The following RWDD2A variants were observed in gnomAD, a reference collection of about 807,000 sequenced individuals.
RWDD2A encodes RWD domain containing 2A.
A neutral mutation model predicts 23.1 loss-of-function variants in RWDD2A; 15 were observed. That is an observed-to-expected ratio of 0.65 (90% CI 0.43 to 1.00). The LOEUF (loss-of-function observed/expected upper bound fraction) is 1.00. Among genes scored for constraint, RWDD2A ranks in the 50% least tolerant of loss-of-function variants. The probability of loss-of-function intolerance (pLI) is 0.00; values close to 1 mark genes in which losing one functional copy is unlikely to be tolerated. For synonymous variants in RWDD2A, 103 were observed against 123.0 expected, an observed-to-expected ratio of 0.84 and a Z score of 1.08; for missense variants, 310 against 341.7, an observed-to-expected ratio of 0.91 and a Z score of 0.73.
Position 83,193,462 on chromosome 6 carries a change from C to G in RWDD2A, c.-141+19C>G, listed in dbSNP as rs1054010969. On this transcript the variant is annotated intron_variant, in intron 1 of 2. Transcript: ENST00000369724. ...AGAAAGGGTGAGGCCCCCGCGGTGGCCCGGGGGTTGGGGCCGAGGGTCGCG... is the reference window on the plus strand; with the variant it reads ...AGAAAGGGTGAGGCCCCCGCGGTGGGCCGGGGGTTGGGGCCGAGGGTCGCG... 6.6e-6 allele frequency: 1 copy of G among 152,212 alleles called. No homozygotes were observed. The highest frequency in any genetic ancestry group is 1.5e-5 in the Non-Finnish European group (1 of 68,082). 9.4% of individuals were successfully genotyped at this position (152,212 alleles called of 1,614,324 possible). A position where few individuals can be genotyped will look rare whatever the true frequency, so the allele number is the denominator to read the frequency against.
chr6:83,194,175 G>A (rs1789441836), intron 1 of RWDD2A, 137 bp from the exon 2 acceptor site: 1 of 360,066 alleles, frequency 2.8e-6, no homozygotes, highest in Non-Finnish European at 5.1e-6. Flanking sequence ...ATCTAGTGCG[G>A]GGTGCGGGAG....
At chr6:83,195,247 C>T (rs1002800743) in intron 2 of RWDD2A, among the ~76,000 whole-genome samples, 11 of 152,210 alleles carry the variant, frequency 7.2e-5, no homozygotes, top group Admixed American at 6.5e-4. Flanking sequence ...TTACACACTT[C>T]AATGGAACCC....
chr6:83,196,292 T>C lies in RWDD2A; in HGVS notation c.*20T>C. 6.0e-6 allele frequency: 9 copies of C among 1,502,794 alleles called. No homozygotes were observed. The highest frequency in any genetic ancestry group is 8.0e-6 in the Non-Finnish European group (9 of 1,124,654). 93.1% of individuals were successfully genotyped at this position (1,502,794 alleles called of 1,614,324 possible). A position where few individuals can be genotyped will look rare whatever the true frequency, so the allele number is the denominator to read the frequency against. On this transcript the variant is annotated 3_prime_UTR_variant, in exon 3 of 3. Coordinates refer to ENST00000369724, the MANE Select transcript of RWDD2A (RefSeq NM_033411.5). Reference sequence around the variant, plus strand: ...TCATAAAAAGCGATTAAGAGGCCTATGCCTGTAATTTCACTAAGTCAGTAT... The same window carrying C: ...TCATAAAAAGCGATTAAGAGGCCTACGCCTGTAATTTCACTAAGTCAGTAT...
At position 83,197,522 on chromosome 6, in the gene RWDD2A, T is replaced by A. The variant is rs745786006; in HGVS notation, c.*1250T>A. On this transcript the variant is annotated 3_prime_UTR_variant, in exon 3 of 3. Transcript: ENST00000369724. ...TCCCCAAGTATTTCTGCGAGTCTCA[T>A]GTGCTAAGAGATGTCTTGAGCAGCC... The A allele has an allele frequency of 6.6e-6, 1 of 152,236 alleles. No individual in the cohort carries two copies. Among genetic ancestry groups the A allele is most frequent in the Non-Finnish European group, 1.5e-5 (1 of 68,044 alleles). 9.4% of individuals were successfully genotyped at this position (152,236 alleles called of 1,614,324 possible). A position where few individuals can be genotyped will look rare whatever the true frequency, so the allele number is the denominator to read the frequency against.
In RWDD2A at chr6:83,198,016, T is replaced by C. The variant is rs771204541; in HGVS notation, c.*1744T>C. The C allele has an allele frequency of 1.3e-5, 2 of 152,172 alleles. No individual in the cohort carries two copies. The highest frequency in any genetic ancestry group is 2.4e-5 in the African/African-American group (1 of 41,450). 9.4% of individuals were successfully genotyped at this position (152,172 alleles called of 1,614,324 possible). A position where few individuals can be genotyped will look rare whatever the true frequency, so the allele number is the denominator to read the frequency against. ...GCTGGAGCCTGACACTTTGCCTATA[T>C]GCAAAGGGAAGAAATAGGACTTACA... On this transcript the variant is annotated 3_prime_UTR_variant, in exon 3 of 3. Transcript: ENST00000369724.
In RWDD2A at chr6:83,196,511, G is replaced by A. The variant is rs1296145592; in HGVS notation, c.*239G>A. On this transcript the variant is annotated 3_prime_UTR_variant, in exon 3 of 3. Transcript: ENST00000369724. Reference sequence around the variant, plus strand: ...GAAGTCATTCAAAAACTATTTCATTGTAAATTAATAAAAACAATCCATTTA... The same window carrying A: ...GAAGTCATTCAAAAACTATTTCATTATAAATTAATAAAAACAATCCATTTA... 1.1e-5 allele frequency: 3 copies of A among 282,506 alleles called. No homozygotes were observed. Among genetic ancestry groups the A allele is most frequent in the Non-Finnish European group, 2.0e-5 (3 of 153,844 alleles). The allele number at this position is 282,506 out of a possible 1,614,324, so 17.5% of individuals were successfully genotyped here. A position where few individuals can be genotyped will look rare whatever the true frequency, so the allele number is the denominator to read the frequency against.
In RWDD2A at chr6:83,197,398, G is replaced by C. The variant is rs947614589; in HGVS notation, c.*1126G>C. On this transcript the variant is annotated 3_prime_UTR_variant, in exon 3 of 3. Coordinates refer to ENST00000369724, the MANE Select transcript of RWDD2A (RefSeq NM_033411.5). ...CCTCTGAAAATTCCAAGCTCCACAG[G>C]CTTCACCAGGCTTTTCAAAATGAGA... 9 of 152,156 alleles carry C rather than the reference G, an allele frequency of 5.9e-5. No homozygotes were observed. The highest frequency in any genetic ancestry group is 3.8e-4 in the East Asian group (2 of 5,200). The allele number at this position is 152,156 out of a possible 1,614,324, so 9.4% of individuals were successfully genotyped here.
At position 83,198,751 on chromosome 6, in the gene RWDD2A, T is replaced by C. The variant is rs140935248; in HGVS notation, c.*2479T>C. 6.6e-6 allele frequency: 1 copy of C among 152,358 alleles called. No homozygotes were observed. The highest frequency in any genetic ancestry group is 1.5e-5 in the Non-Finnish European group (1 of 68,038). 9.4% of individuals were successfully genotyped at this position (152,358 alleles called of 1,614,324 possible). On this transcript the variant is annotated 3_prime_UTR_variant, in exon 3 of 3. Coordinates refer to ENST00000369724, the MANE Select transcript of RWDD2A (RefSeq NM_033411.5). ...ATGCTCAGCTGTTTGGCATTTCCTTTGAATGACCCAGCATCTTCCCTTTTG... is the reference window on the plus strand; with the variant it reads ...ATGCTCAGCTGTTTGGCATTTCCTTCGAATGACCCAGCATCTTCCCTTTTG...
Position 83,198,358 on chromosome 6 carries a change from A to C in RWDD2A, c.*2086A>C, listed in dbSNP as rs1789671949. ...ATTTTTCAGAACCTACTTTTTTATA[A>C]ATAAGTCTAATTTGAGCATTCTGCA... is the stretch of plus-strand genomic sequence containing the variant. On this transcript the variant is annotated 3_prime_UTR_variant, in exon 3 of 3. Coordinates refer to ENST00000369724, the MANE Select transcript of RWDD2A (RefSeq NM_033411.5). 3.3e-5 allele frequency: 5 copies of C among 152,340 alleles called. No individual in the cohort carries two copies. The South Asian group carries it at 1.0e-3, about 32-fold the overall frequency. The allele number at this position is 152,340 out of a possible 1,614,324, so 9.4% of individuals were successfully genotyped here. A position where few individuals can be genotyped will look rare whatever the true frequency, so the allele number is the denominator to read the frequency against.
At position 83,195,658 on chromosome 6, in the gene RWDD2A, G is replaced by A; in HGVS notation, c.265G>A (p.Gly89Arg). Reference sequence around the variant, plus strand: ...CCCCTATGTAGCATTGCAGCTGTTTGGACGGTCATCTGAACTTGACAGACA... The same window carrying A: ...CCCCTATGTAGCATTGCAGCTGTTTAGACGGTCATCTGAACTTGACAGACA... ...SYPYVALQLF[G>R]RSSELDRHQQ... The change falls in exon 3 of 3, where the codon GGA becomes AGA. Residue 89 changes from glycine to arginine, a missense_variant. Gly to Arg is a moderately radical substitution (Grantham distance 125). Coordinates refer to ENST00000369724, the MANE Select transcript of RWDD2A (RefSeq NM_033411.5). 1 of 1,614,170 alleles carries A rather than the reference G, an allele frequency of 6.2e-7. No homozygotes were observed. Among genetic ancestry groups the A allele is most frequent in the Non-Finnish European group, 8.5e-7 (1 of 1,180,030 alleles).
chr6:83,194,030 G>A (rs1358743744), intron 1 of RWDD2A: 1 of 156,610 alleles, frequency 6.4e-6, no homozygotes, highest in East Asian at 1.9e-4. Context: ...CTCCGCCCAA[G>A]CCCGAGCCCC....
chr6:83,195,650 A>G lies in RWDD2A; in HGVS notation c.257A>G (p.Gln86Arg), dbSNP rs1789554131. ...MPHSYPYVAL[Q>R]LFGRSSELDR... Reference sequence around the variant, plus strand: ...CACAGCTACCCCTATGTAGCATTGCAGCTGTTTGGACGGTCATCTGAACTT... The same window carrying G: ...CACAGCTACCCCTATGTAGCATTGCGGCTGTTTGGACGGTCATCTGAACTT... The change falls in exon 3 of 3, where the codon CAG (glutamine) becomes CGG (arginine). Residue 86 changes from glutamine (Q) to arginine (R), a missense_variant. Transcript: ENST00000369724. The G allele has an allele frequency of 2.5e-6, 4 of 1,614,120 alleles. No individual in the cohort carries two copies. The highest frequency in any genetic ancestry group is 3.4e-6 in the Non-Finnish European group (4 of 1,180,050).
Position 83,195,691 on chromosome 6 carries a change from C to G in RWDD2A, c.298C>G (p.Leu100Val). Residue 100 changes from leucine to valine, a missense_variant, in exon 3 of 3, where the codon CTA (leucine) becomes GTA (valine). Transcript: ENST00000369724. The stretch of plus-strand genomic sequence containing the variant: ...ATCTGAACTTGACAGACATCAGCAG[C>G]TACTTCTCAACAAAGGTCTCACTTC... ...RSSELDRHQQ[L>V]LLNKGLTSYI... 6.2e-7 allele frequency: 1 copy of G among 1,614,184 alleles called. No individual in the cohort carries two copies. Among genetic ancestry groups the G allele is most frequent in the South Asian group, 1.1e-5 (1 of 91,088 alleles).
chr6:83,194,777 G>A (rs1022920877), intron 2 of RWDD2A, 125 bp downstream of exon 2: 4 of 703,146 alleles, frequency 5.7e-6, no homozygotes, highest in Admixed American at 2.9e-5. Flanking sequence ...TGAAAGATAC[G>A]GAATGCTCTA....
rs149415610 is a variant in RWDD2A, at chr6:83,194,599, G to T, written c.148G>T (p.Ala50Ser). ...IKRYLEGTREALPPKIEFVIT... is the reference protein window; with the variant it reads ...IKRYLEGTRESLPPKIEFVIT... ...GAGGTATTTGGAAGGCACAAGGGAG[G>T]CGCTGCCACCAAAAATCGAATTTGT... Residue 50 changes from alanine to serine, a missense_variant, in exon 2 of 3, where the codon GCG (alanine) becomes TCG (serine). Coordinates refer to ENST00000369724, the MANE Select transcript of RWDD2A (RefSeq NM_033411.5). 1.5e-4 allele frequency: 241 copies of T among 1,614,168 alleles called. 1 individual carries two copies. In the Middle Eastern group the frequency reaches 1.6e-3, roughly 11 times the overall value.
Position 83,193,377 on chromosome 6 carries a change from G to C in RWDD2A, c.-207G>C, listed in dbSNP as rs1450262664. The stretch of plus-strand genomic sequence containing the variant: ...TCGCCGCAGGTCGCGCGCAGCTGGC[G>C]CCTGAGGAACTGCGGCTGCGGTTCC... On this transcript the variant is annotated 5_prime_UTR_variant, in exon 1 of 3. Coordinates refer to ENST00000369724, the MANE Select transcript of RWDD2A (RefSeq NM_033411.5). 6.6e-6 allele frequency: 1 copy of C among 152,312 alleles called. No individual in the cohort carries two copies. Among genetic ancestry groups the C allele is most frequent in the African/African-American group, 2.4e-5 (1 of 41,466 alleles). The allele number at this position is 152,312 out of a possible 1,614,324, so 9.4% of individuals were successfully genotyped here. A position where few individuals can be genotyped will look rare whatever the true frequency, so the allele number is the denominator to read the frequency against.
rs538884737 is a variant in RWDD2A at position 83,193,376 on chromosome 6, C to G, written c.-208C>G. ...CTCGCCGCAGGTCGCGCGCAGCTGG[C>G]GCCTGAGGAACTGCGGCTGCGGTTC... On this transcript the variant is annotated 5_prime_UTR_variant, in exon 1 of 3. Coordinates refer to ENST00000369724, the MANE Select transcript of RWDD2A (RefSeq NM_033411.5). The G allele has an allele frequency of 6.6e-6, 1 of 152,320 alleles. No individual in the cohort carries two copies. Among genetic ancestry groups the G allele is most frequent in the Non-Finnish European group, 1.5e-5 (1 of 68,118 alleles). The allele number at this position is 152,320 out of a possible 1,614,324, so 9.4% of individuals were successfully genotyped here.
In RWDD2A at chr6:83,194,319, T is replaced by A. The variant is rs1295579733; in HGVS notation, c.-133T>A. 2.0e-5 allele frequency: 14 copies of A among 703,660 alleles called. No individual in the cohort carries two copies. The South Asian group carries it at 2.3e-4, about 11-fold the overall frequency. The allele number at this position is 703,660 out of a possible 1,614,324, so 43.6% of individuals were successfully genotyped here. A position where few individuals can be genotyped will look rare whatever the true frequency, so the allele number is the denominator to read the frequency against. ...TCTGGTTTGTGCCCCTAGCTCTCGGTGCAAAGCGTTCCTGCAGAATTGCTT... is the reference window on the plus strand; with the variant it reads ...TCTGGTTTGTGCCCCTAGCTCTCGGAGCAAAGCGTTCCTGCAGAATTGCTT... On this transcript the variant is annotated 5_prime_UTR_variant, in exon 2 of 3. Coordinates refer to ENST00000369724, the MANE Select transcript of RWDD2A (RefSeq NM_033411.5).
chr6:83,194,330 C>T lies in RWDD2A; in HGVS notation c.-122C>T. 1.3e-6 allele frequency: 1 copy of T among 761,922 alleles called. No individual in the cohort carries two copies. Among genetic ancestry groups the T allele is most frequent in the Non-Finnish European group, 2.1e-6 (1 of 477,156 alleles). The allele number at this position is 761,922 out of a possible 1,614,324, so 47.2% of individuals were successfully genotyped here. A position where few individuals can be genotyped will look rare whatever the true frequency, so the allele number is the denominator to read the frequency against. ...CCCCTAGCTCTCGGTGCAAAGCGTTCCTGCAGAATTGCTTCCACGTAAAGG... is the reference window on the plus strand; with the variant it reads ...CCCCTAGCTCTCGGTGCAAAGCGTTTCTGCAGAATTGCTTCCACGTAAAGG... On this transcript the variant is annotated 5_prime_UTR_variant, in exon 2 of 3. Coordinates refer to ENST00000369724, the MANE Select transcript of RWDD2A (RefSeq NM_033411.5).
Sources: allele counts gnomAD v4.1 joint callset (sites outside exome capture counted in the v4.1 genomes callset), GRCh38; gene constraint gnomAD v4.1.1; transcripts MANE v1.5; gene names NCBI Gene and HGNC (gene_info 2026-07-23, HGNC 2026-07-21).